Variants in NF2 observed in about 807,000 individuals in gnomAD.
NF2 encodes the protein NF2, moesin-ezrin-radixin like (MERLIN) tumor suppressor.
A neutral mutation model predicts 83.7 loss-of-function variants in NF2; 8 were observed. That is an observed-to-expected ratio of 0.10 (90% CI 0.06 to 0.17). The LOEUF (loss-of-function observed/expected upper bound fraction) is 0.17. Among genes scored for constraint, NF2 ranks in the 10% least tolerant of loss-of-function variants. NF2 has a pLI of 1.00. For synonymous variants in NF2, 266 were observed against 269.6 expected (o/e 0.99, Z 0.13); for missense variants, 533 against 744.4 (o/e 0.72, Z 3.31).
intron 6 of NF2, among the ~76,000 whole-genome samples, chr22:29,657,469 T>A (rs2066346122): frequency 6.6e-6 from 1 of 152,262 alleles, no homozygotes; most frequent in Admixed American, 6.5e-5. Flanking sequence ...TCAATGTGCA[T>A]GATTTCTGAT....
intron 15 of NF2, among the ~76,000 whole-genome samples, chr22:29,686,764 A>G (rs1282059010): frequency 1.3e-5 from 2 of 152,010 alleles, no homozygotes; most frequent in East Asian, 1.9e-4. Context: ...ATTTTTCCCA[A>G]TTGATGATCA....
chr22:29,648,654 GTCTC>G (rs1408620695), intron 4 of NF2, among the ~76,000 whole-genome samples: 1 of 152,196 alleles, frequency 6.6e-6, no homozygotes, highest in African/African-American at 2.4e-5. Context: ...TGAGACAGCA[GTCTC>G]TCTCTGTCAC....
chr22:29,692,292 C>G lies in NF2; in HGVS notation c.1738-2460C>G, dbSNP rs544000224. ...ACTTCTGTGTGGGCAGACTGATTTCCCTCTCTACCTTTACTTGTGGCTGAG... is the reference window on the plus strand; with the variant it reads ...ACTTCTGTGTGGGCAGACTGATTTCGCTCTCTACCTTTACTTGTGGCTGAG... On this transcript the variant is annotated intron_variant, in intron 15 of 15. Transcript: ENST00000338641. 8.3e-4 allele frequency among the ~76,000 whole-genome samples: 126 copies of G among 152,304 alleles called. 2 individuals carry two copies. Among genetic ancestry groups the G allele is most frequent in the African/African-American group, 3.0e-3 (124 of 41,568 alleles).
chr22:29,689,981 T>C (rs1348927600), intron 15 of NF2, among the ~76,000 whole-genome samples: 2 of 152,210 alleles, frequency 1.3e-5, no homozygotes, highest in Non-Finnish European at 2.9e-5. Flanking sequence ...GGAAGGAGAG[T>C]TGGCCGTGCG....
rs141683523 is a variant in NF2, at chr22:29,619,533, A to C, written c.114+15421A>C. Among the ~76,000 whole-genome samples the C allele has an allele frequency of 4.2e-3, 635 of 152,050 alleles. 10 individuals carry two copies. The Middle Eastern group carries it at 0.044, about 11-fold the overall frequency. On this transcript the variant is annotated intron_variant, in intron 1 of 15. Coordinates refer to ENST00000338641, the MANE Select transcript of NF2 (RefSeq NM_000268.4). ...TGCCTCAACCTCCTGAGTAGCTGGA[A>C]TTACAGGTGCCTGCCATCATGCCAG...
intron 3 of NF2, among the ~76,000 whole-genome samples, chr22:29,641,184 C>CA (rs1009347289): frequency 3.3e-5 from 5 of 152,004 alleles, no homozygotes; most frequent in Admixed American, 6.6e-5. Flanking sequence ...CTTTTTCCCC[C>CA]CTCTCTTTGG....
intron 8 of NF2, among the ~76,000 whole-genome samples, chr22:29,664,581 GCA>G (rs1383639890): frequency 6.6e-6 from 1 of 152,196 alleles, no homozygotes; most frequent in African/African-American, 2.4e-5. Flanking sequence ...ACCCAGTGAA[GCA>G]CTAATATTTG....
At chr22:29,682,679 C>T (rs769658439) in intron 15 of NF2, among the ~76,000 whole-genome samples, 3 of 152,186 alleles carry the variant, frequency 2.0e-5, no homozygotes, top group East Asian at 1.9e-4. Flanking sequence ...AGGGAGGCCT[C>T]GGTCATTAAG....
chr22:29,625,252 A>G (rs1386627259), intron 1 of NF2, among the ~76,000 whole-genome samples: 1 of 152,146 alleles, frequency 6.6e-6, no homozygotes, highest in Non-Finnish European at 1.5e-5. Flanking sequence ...TAACATGCTA[A>G]GTAATACAAT....
intron 1 of NF2, 137 bp downstream of exon 1, chr22:29,604,249 A>G (rs1428320532): frequency 1.4e-6 from 1 of 715,330 alleles, no homozygotes; most frequent in East Asian, 2.7e-5. Context: ...CCTCATGTTA[A>G]AGATGATTGC....
At chr22:29,645,035 A>G (rs1319167080) in intron 4 of NF2, among the ~76,000 whole-genome samples, 2 of 152,238 alleles carry the variant, frequency 1.3e-5, no homozygotes, top group Non-Finnish European at 2.9e-5. Flanking sequence ...AAAGGTGTTC[A>G]TGAAGCCATT....
At chr22:29,656,960 G>T (rs933716755) in intron 6 of NF2, among the ~76,000 whole-genome samples, 1 of 149,930 alleles carries the variant, frequency 6.7e-6, no homozygotes, top group Non-Finnish European at 1.5e-5. Flanking sequence ...ATTAGGAATT[G>T]GTCATGTTTT....
intron 9 of NF2, among the ~76,000 whole-genome samples, chr22:29,666,795 G>A (rs1008173924): frequency 6.6e-6 from 1 of 152,096 alleles, no homozygotes; most frequent in African/African-American, 2.4e-5. Flanking sequence ...TGACCAACAT[G>A]GAGAAATCCT....
At chr22:29,609,551 G>C (rs1369914929) in intron 1 of NF2, 1 of 229,486 alleles carries the variant, frequency 4.4e-6, no homozygotes, top group African/African-American at 2.3e-5. Flanking sequence ...CTTTTTACTG[G>C]AAAACAGGAA....
chr22:29,656,802 T>C (rs1569295111), intron 6 of NF2, among the ~76,000 whole-genome samples: 2 of 152,142 alleles, frequency 1.3e-5, no homozygotes. Flanking sequence ...CCAAAAAGGC[T>C]GTACCTGTTT....
intron 1 of NF2, among the ~76,000 whole-genome samples, chr22:29,623,328 G>A (rs2065263538): frequency 1.3e-5 from 2 of 152,172 alleles, no homozygotes; most frequent in African/African-American, 4.8e-5. Context: ...TTCATCAGAT[G>A]CGATGAAGAG....
intron 7 of NF2, 53 bp downstream of exon 7, chr22:29,658,317 G>A (rs2146991766): frequency 6.9e-7 from 1 of 1,459,014 alleles, no homozygotes; most frequent in Admixed American, 1.7e-5. Context: ...ACTGAGTGAG[G>A]GCCAGACTGC....
At chr22:29,606,745 G>A (rs1447098132) in intron 1 of NF2, among the ~76,000 whole-genome samples, 4 of 152,212 alleles carry the variant, frequency 2.6e-5, no homozygotes, top group African/African-American at 9.6e-5. Context: ...TCTAGGATCA[G>A]AAGAAGGATC....
intron 1 of NF2, among the ~76,000 whole-genome samples, chr22:29,627,816 T>C (rs1291148865): frequency 6.6e-6 from 1 of 152,228 alleles, no homozygotes. Flanking sequence ...CTTACTAGTC[T>C]CCTTTGTTCT....
Sources: gnomAD v4.1 joint callset for allele counts (sites outside exome capture counted in the v4.1 genomes callset) on GRCh38, gnomAD v4.1.1 for gene constraint, MANE v1.5 for transcripts, NCBI Gene and HGNC (gene_info 2026-07-23, HGNC 2026-07-21) for gene names.